The following CTIF variants were observed in gnomAD, a reference collection of about 807,000 sequenced individuals.
CTIF encodes cap binding complex dependent translation initiation factor.
CTIF carries 21 observed loss-of-function variants against 66.0 expected under a neutral mutation model. The observed-to-expected ratio is 0.32, with a 90% confidence interval of 0.23 to 0.46. CTIF has a LOEUF of 0.46. Ranked by LOEUF, CTIF falls within the 20% of genes least tolerant of loss-of-function variation. CTIF has a pLI of 1.00. For missense variants in CTIF, 739 were observed against 812.7 expected, an observed-to-expected ratio of 0.91 and a Z score of 1.10; for synonymous variants, 345 against 326.4, an observed-to-expected ratio of 1.06 and a Z score of -0.62.
At chr18:48,759,311 G>A (rs536468369) in intron 8 of CTIF, among the ~76,000 whole-genome samples, 7 of 152,134 alleles carry the variant, frequency 4.6e-5, no homozygotes, top group East Asian at 1.9e-4. Flanking sequence ...TGGGGCTTCC[G>A]CAGAGCTCCA....
rs535319659 is a variant in CTIF, at chr18:48,595,013, C to T, written c.-28-24525C>T. On this transcript the variant is annotated intron_variant, in intron 1 of 11. Transcript: ENST00000256413. ...CGTGAGCTGAGTGGTGCCAAGTCTC[C>T]GGTGCCAGGCATTGGAAAGGTCATC... is the stretch of plus-strand genomic sequence containing the variant. Among the ~76,000 whole-genome samples, 75 of 152,350 alleles carry T rather than the reference C, an allele frequency of 4.9e-4. No individual in the cohort carries two copies. In the South Asian group the frequency reaches 9.3e-3, roughly 19 times the overall value.
At chr18:48,544,757 C>T (rs961975267) in intron 1 of CTIF, among the ~76,000 whole-genome samples, 2 of 152,148 alleles carry the variant, frequency 1.3e-5, no homozygotes, top group Admixed American at 6.5e-5. Context: ...GTAGAACAGA[C>T]CTAAGAGGTT....
chr18:48,857,005 A>C (rs2069343064), intron 10 of CTIF, among the ~76,000 whole-genome samples: 1 of 152,252 alleles, frequency 6.6e-6, no homozygotes, highest in Non-Finnish European at 1.5e-5. Context: ...CTGAGCGCTG[A>C]GCAGCCCAGC....
At chr18:48,759,483 C>T (rs904144007) in intron 8 of CTIF, among the ~76,000 whole-genome samples, 17 of 152,228 alleles carry the variant, frequency 1.1e-4, no homozygotes, top group Non-Finnish European at 2.1e-4. Context: ...TCCTCTCCAC[C>T]GAGTCCTCTA....
At chr18:48,684,519 CCTGCTGATTTT>C (rs1335786418) in intron 6 of CTIF, among the ~76,000 whole-genome samples, 1 of 151,988 alleles carries the variant, frequency 6.6e-6, no homozygotes, top group East Asian at 1.9e-4. Flanking sequence ...CTAGTGATTT[CCTGCTGATTTT>C]CTTATTATGA....
chr18:48,766,198 A>G (rs1909521707), intron 9 of CTIF, among the ~76,000 whole-genome samples: 3 of 149,404 alleles, frequency 2.0e-5, no homozygotes, highest in Admixed American at 6.8e-5. Context: ...GTGCATATGA[A>G]TCACGTGGGA....
chr18:48,744,498 A>G (rs931816951), intron 7 of CTIF, among the ~76,000 whole-genome samples: 3 of 152,158 alleles, frequency 2.0e-5, no homozygotes, highest in Non-Finnish European at 2.9e-5. Flanking sequence ...GAATTCTTAT[A>G]TATCCATCAC....
chr18:48,769,095 C>T (rs149182570), intron 9 of CTIF, among the ~76,000 whole-genome samples: 1 of 152,154 alleles, frequency 6.6e-6, no homozygotes, highest in South Asian at 2.1e-4. Flanking sequence ...GCTGCTGGCC[C>T]CAGTTCCCAT....
Position 48,554,149 on chromosome 18 carries a change from G to T in CTIF, c.-29+14837G>T, listed in dbSNP as rs143631017. ...TGTCTTCTCATTTCTTGCTGTTGTT[G>T]GTGCCACCAGGGGTCCTTACCCCTG... is the stretch of plus-strand genomic sequence containing the variant. On this transcript the variant is annotated intron_variant, in intron 1 of 11. Transcript: ENST00000256413. Among the ~76,000 whole-genome samples, 435 of 152,260 alleles carry T rather than the reference G, an allele frequency of 2.9e-3. 6 individuals are homozygous for T. Among genetic ancestry groups the T allele is most frequent in the African/African-American group, 9.5e-3 (393 of 41,548 alleles).
intron 9 of CTIF, among the ~76,000 whole-genome samples, chr18:48,800,423 A>G (rs2068024992): frequency 6.6e-6 from 1 of 152,144 alleles, no homozygotes; most frequent in Non-Finnish European, 1.5e-5. Context: ...ATCTGCCCCC[A>G]TCTCCAGCCA....
intron 6 of CTIF, among the ~76,000 whole-genome samples, chr18:48,700,828 G>T (rs1482090542): frequency 6.6e-6 from 1 of 152,236 alleles, no homozygotes; most frequent in East Asian, 1.9e-4. Context: ...TGGAGACAGA[G>T]GTGGAGTCTT....
chr18:48,783,983 C>T lies in CTIF; in HGVS notation c.1371+22294C>T, dbSNP rs546113364. 2.9e-3 allele frequency among the ~76,000 whole-genome samples: 439 copies of T among 152,342 alleles called. 3 individuals are homozygous for T. The highest frequency in any genetic ancestry group is 9.8e-3 in the African/African-American group (409 of 41,586). On this transcript the variant is annotated intron_variant, in intron 9 of 11. Transcript: ENST00000256413. ...TCTCACACACATCTTTACATTGCTC[C>T]ATGTGCACTCTAGTGGGGATGGCCT...
At chr18:48,680,477 G>A (rs2091721268) in intron 6 of CTIF, among the ~76,000 whole-genome samples, 1 of 152,258 alleles carries the variant, frequency 6.6e-6, no homozygotes, top group South Asian at 2.1e-4. Context: ...TCAGGGTTGA[G>A]AAGAGGCCAG....
chr18:48,672,800 C>T lies in CTIF; in HGVS notation c.507+2056C>T, dbSNP rs148648625. 1.9e-4 allele frequency among the ~76,000 whole-genome samples: 29 copies of T among 152,166 alleles called. No homozygotes were observed. In the East Asian group the frequency reaches 4.1e-3, roughly 21 times the overall value. ...CCACAGAGGCCCAGACCCCCATCTC[C>T]GGCCCCTTCTGTCCCTGTTCGGACT... On this transcript the variant is annotated intron_variant, in intron 6 of 11. Transcript: ENST00000256413.
intron 6 of CTIF, among the ~76,000 whole-genome samples, chr18:48,703,277 T>C (rs2092107661): frequency 2.0e-5 from 3 of 152,182 alleles, no homozygotes; most frequent in Non-Finnish European, 4.4e-5. Flanking sequence ...ATCCAGGCAC[T>C]GTGGGGGCAG....
chr18:48,749,658 C>T (rs1042978838), intron 7 of CTIF, among the ~76,000 whole-genome samples: 3 of 152,186 alleles, frequency 2.0e-5, no homozygotes, highest in Admixed American at 2.0e-4. Flanking sequence ...CTCACAAGAA[C>T]CCTATGAGAT....
At chr18:48,640,423 G>T (rs1256745247) in intron 3 of CTIF, among the ~76,000 whole-genome samples, 1 of 152,190 alleles carries the variant, frequency 6.6e-6, no homozygotes, top group Admixed American at 6.5e-5. Context: ...CACTGAGTTG[G>T]CCCAGGCTCA....
intron 9 of CTIF, among the ~76,000 whole-genome samples, chr18:48,768,497 G>C (rs1909788830): frequency 1.3e-5 from 2 of 152,184 alleles, no homozygotes; most frequent in Non-Finnish European, 2.9e-5. Context: ...CTTATACATG[G>C]GGAAAGTGGC....
At chr18:48,600,323 C>G (rs530145865) in intron 1 of CTIF, among the ~76,000 whole-genome samples, 1 of 152,216 alleles carries the variant, frequency 6.6e-6, no homozygotes, top group African/African-American at 2.4e-5. Context: ...TGGCGATGAG[C>G]TCCGAAGCCT....
Sources: allele counts gnomAD v4.1 joint callset (sites outside exome capture counted in the v4.1 genomes callset), GRCh38; gene constraint gnomAD v4.1.1; transcripts MANE v1.5; gene names NCBI Gene and HGNC (gene_info 2026-07-23, HGNC 2026-07-21).